SERPIND1: variants seen among roughly 807,000 people sequenced by gnomAD.
SERPIND1 encodes the protein heparin cofactor 2.
SERPIND1 carries 34 observed loss-of-function variants against 35.0 expected under a neutral mutation model. That is an observed-to-expected ratio of 0.97 (90% CI 0.74 to 1.29). The LOEUF (loss-of-function observed/expected upper bound fraction) is 1.29, where lower values mean the gene tolerates loss of function less well. Among genes scored for constraint, SERPIND1 ranks in the 50% most tolerant of loss-of-function variants. The pLI is 0.00. For synonymous variants in SERPIND1, 236 were observed against 241.1 expected, an observed-to-expected ratio of 0.98 and a Z score of 0.19; for missense variants, 633 against 637.7, an observed-to-expected ratio of 0.99 and a Z score of 0.08.
At chr22:20,782,502 A>AT (rs1933876703) in intron 2 of SERPIND1, among the ~76,000 whole-genome samples, 1 of 152,186 alleles carries the variant, frequency 6.6e-6, no homozygotes, top group Non-Finnish European at 1.5e-5. Context: ...AATCATCTCC[A>AT]TTACTAATTT....
At chr22:20,777,672 TTAGAA>T (rs1161914935) in intron 1 of SERPIND1, among the ~76,000 whole-genome samples, 10 of 152,286 alleles carry the variant, frequency 6.6e-5, no homozygotes, top group African/African-American at 2.2e-4. Context: ...TCTGGGGTGA[TTAGAA>T]GTTGGGACCA....
chr22:20,780,706 G>T (rs544115149), intron 2 of SERPIND1, among the ~76,000 whole-genome samples: 1 of 149,156 alleles, frequency 6.7e-6, no homozygotes, highest in Non-Finnish European at 1.5e-5. Flanking sequence ...AACCTGGAAG[G>T]CAGAGATTGC....
At position 20,779,920 on chromosome 22, in the gene SERPIND1, G is replaced by A. The variant is rs889488063; in HGVS notation, c.608G>A (p.Arg203His). 1.5e-5 allele frequency: 24 copies of A among 1,614,086 alleles called. No individual in the cohort carries two copies. The highest frequency in any genetic ancestry group is 3.3e-5 in the South Asian group (3 of 91,090). The change falls in exon 2 of 5, where the codon CGT (arginine) becomes CAT (histidine). Residue 203 changes from arginine (R) to histidine (H), a missense_variant. Transcript: ENST00000215727. ...YEITTIHNLF[R>H]KLTHRLFRRN... ...ATCACGACCATTCATAATCTCTTCCGTAAGCTGACTCATCGCCTCTTCAGG... is the reference window on the plus strand; with the variant it reads ...ATCACGACCATTCATAATCTCTTCCATAAGCTGACTCATCGCCTCTTCAGG...
rs1933563906 is a variant in SERPIND1 at position 20,779,392 on chromosome 22, AGCTAGAGAAAGGAGGGGAAACT to A, written c.84_105del (p.Glu29SerfsTer10). 2 of 1,614,130 alleles carry A rather than the reference AGCTAGAGAAAGGAGGGGAAACT, an allele frequency of 1.2e-6. No individual in the cohort carries two copies. Among genetic ancestry groups the A allele is most frequent in the Non-Finnish European group, 1.7e-6 (2 of 1,180,042 alleles). ...GGTGGGAGCAAAGGCCCGCTGGATC[AGCTAGAGAAAGGAGGGGAAACT>A]GCTCAGTCTGCAGATCCCCAGTGGG... On this transcript the variant is annotated frameshift_variant, in exon 2 of 5. Transcript: ENST00000215727. LOFTEE classifies it high-confidence loss of function.
chr22:20,779,845 A>G lies in SERPIND1; in HGVS notation c.533A>G (p.His178Arg). Residue 178 changes from histidine to arginine, a missense_variant, in exon 2 of 5, where the codon CAC becomes CGC. Coordinates refer to ENST00000215727, the MANE Select transcript of SERPIND1 (RefSeq NM_000185.4). ...GLKGETHEQV[H>R]SILHFKDFVN... The stretch of plus-strand genomic sequence containing the variant: ...AAGGGAGAGACCCATGAACAAGTGC[A>G]CTCGATTTTGCATTTTAAAGACTTT... 1 of 1,614,192 alleles carries G rather than the reference A, an allele frequency of 6.2e-7. No homozygotes were observed. Among genetic ancestry groups the G allele is most frequent in the Non-Finnish European group, 8.5e-7 (1 of 1,180,032 alleles).
intron 1 of SERPIND1, among the ~76,000 whole-genome samples, chr22:20,774,758 C>CAAAAAAAAAAAAAAAAAAAAGA: frequency 9.3e-6 from 1 of 107,370 alleles, no homozygotes; most frequent in Non-Finnish European, 2.0e-5. Flanking sequence ...TAGACTCCGT[C>CAAAAAAAAAAAAAAAAAAAAGA]AAAAAAAAAA....
intron 2 of SERPIND1, 76 bp downstream of exon 2, chr22:20,780,277 G>A: frequency 6.3e-7 from 1 of 1,594,424 alleles, no homozygotes; most frequent in Admixed American, 1.7e-5. Flanking sequence ...TGAATGCCAA[G>A]AACTGTACTG....
In SERPIND1 at chr22:20,786,933, C is replaced by G. The variant is rs1934286728; in HGVS notation, c.1367C>G (p.Thr456Ser). 3 of 1,614,042 alleles carry G rather than the reference C, an allele frequency of 1.9e-6. No homozygotes were observed. Among genetic ancestry groups the G allele is most frequent in the South Asian group, 2.2e-5 (2 of 91,084 alleles). The change falls in exon 5 of 5, where the codon ACC becomes AGC. Residue 456 changes from threonine to serine, a missense_variant. By Grantham distance (58) the Thr-to-Ser change is moderately conservative. Coordinates refer to ENST00000215727, the MANE Select transcript of SERPIND1 (RefSeq NM_000185.4). ...NEEGTQATTV[T>S]TVGFMPLSTQ... ...GAAGGCACCCAAGCCACCACTGTGA[C>G]CACGGTGGGGTTCATGCCGCTGTCC... is the stretch of plus-strand genomic sequence containing the variant.
In SERPIND1 at chr22:20,787,375, C is replaced by A; in HGVS notation, c.*309C>A. ...CAGCGCGTCCTAAGCACCTCCCGCT[C>A]CGGTGACCCCATCCTTGCACACCTG... On this transcript the variant is annotated 3_prime_UTR_variant, in exon 5 of 5. Coordinates refer to ENST00000215727, the MANE Select transcript of SERPIND1 (RefSeq NM_000185.4). 2.5e-6 allele frequency: 1 copy of A among 405,318 alleles called. No homozygotes were observed. Among genetic ancestry groups the A allele is most frequent in the Non-Finnish European group, 4.7e-6 (1 of 214,104 alleles). 25.1% of individuals were successfully genotyped at this position (405,318 alleles called of 1,614,324 possible). A position where few individuals can be genotyped will look rare whatever the true frequency, so the allele number is the denominator to read the frequency against.
At position 20,786,016 on chromosome 22, in the gene SERPIND1, G is replaced by A. The variant is rs770479744; in HGVS notation, c.1176G>A (p.Val392=). ...CTTTTCTGTCTAGAACTCGAGAAGT[G>A]CTTCTGCCGAAATTCAAGCTGGAGA... ...QKSMTNRTRE[V]LLPKFKLEKN... is the part of the protein sequence containing the mutation. The change falls in exon 4 of 5, where the codon GTG becomes GTA. Residue 392 remains valine (V), a synonymous_variant. Coordinates refer to ENST00000215727, the MANE Select transcript of SERPIND1 (RefSeq NM_000185.4). 2.5e-6 allele frequency: 4 copies of A among 1,614,158 alleles called. No homozygotes were observed. Among genetic ancestry groups the A allele is most frequent in the Non-Finnish European group, 3.4e-6 (4 of 1,180,030 alleles).
intron 1 of SERPIND1, among the ~76,000 whole-genome samples, chr22:20,777,995 G>C (rs1279988066): frequency 6.6e-6 from 1 of 152,154 alleles, no homozygotes; most frequent in Non-Finnish European, 1.5e-5. Context: ...CCCTCACACA[G>C]ACTTTATCTC....
chr22:20,780,642 G>T (rs907099290), intron 2 of SERPIND1, among the ~76,000 whole-genome samples: 1 of 151,964 alleles, frequency 6.6e-6, no homozygotes, highest in Non-Finnish European at 1.5e-5. Flanking sequence ...TGGGCCTGGC[G>T]GTGGGTGCCT....
At chr22:20,781,265 AG>A (rs1319912473) in intron 2 of SERPIND1, among the ~76,000 whole-genome samples, 2 of 152,232 alleles carry the variant, frequency 1.3e-5, no homozygotes, top group Non-Finnish European at 2.9e-5. Context: ...CCAGACCAGA[AG>A]AAACCTCTAC....
At position 20,787,053 on chromosome 22, in the gene SERPIND1, C is replaced by T; in HGVS notation, c.1487C>T (p.Pro496Leu). 2 of 1,614,114 alleles carry T rather than the reference C, an allele frequency of 1.2e-6. No individual in the cohort carries two copies. The highest frequency in any genetic ancestry group is 1.7e-6 in the Non-Finnish European group (2 of 1,180,010). Residue 496 changes from proline to leucine, a missense_variant, in exon 5 of 5, where the codon CCC becomes CTC. Transcript: ENST00000215727. ...CLLFMGRVAN[P>L]SRS ...CTCTTCATGGGAAGAGTGGCCAACCCCAGCAGGTCCTAGAGGTGGAGGTCT... is the reference window on the plus strand; with the variant it reads ...CTCTTCATGGGAAGAGTGGCCAACCTCAGCAGGTCCTAGAGGTGGAGGTCT...
chr22:20,784,673 C>A (rs1569029909), intron 3 of SERPIND1, among the ~76,000 whole-genome samples: 1 of 152,180 alleles, frequency 6.6e-6, no homozygotes, highest in East Asian at 1.9e-4. Flanking sequence ...CTCTTCCCTG[C>A]CCAGGAAATT....
chr22:20,777,365 C>T (rs996440607), intron 1 of SERPIND1, among the ~76,000 whole-genome samples: 6 of 151,934 alleles, frequency 3.9e-5, no homozygotes, highest in Admixed American at 6.6e-5. Flanking sequence ...TACAGGCATG[C>T]GCCACCACGC....
intron 1 of SERPIND1, among the ~76,000 whole-genome samples, chr22:20,777,750 A>G (rs959963215): frequency 6.6e-6 from 1 of 152,148 alleles, no homozygotes; most frequent in Non-Finnish European, 1.5e-5. Context: ...AAAACATGGA[A>G]TCATCAAAGC....
At position 20,779,470 on chromosome 22, in the gene SERPIND1, C is replaced by T. The variant is rs961600527; in HGVS notation, c.158C>T (p.Pro53Leu). Residue 53 changes from proline (P) to leucine (L), a missense_variant, in exon 2 of 5, where the codon CCT (proline) becomes CTT (leucine). Coordinates refer to ENST00000215727, the MANE Select transcript of SERPIND1 (RefSeq NM_000185.4). ...TTAAATAACAAAAACCTGAGCATGC[C>T]TCTTCTCCCTGCCGACTTCCACAAG... is the stretch of plus-strand genomic sequence containing the variant. ...EQLNNKNLSM[P>L]LLPADFHKEN... The T allele has an allele frequency of 8.1e-6, 13 of 1,614,046 alleles. No homozygotes were observed. Among genetic ancestry groups the T allele is most frequent in the African/African-American group, 5.3e-5 (4 of 74,950 alleles).
chr22:20,783,738 T>C (rs764227296), intron 2 of SERPIND1, among the ~76,000 whole-genome samples: 28 of 152,266 alleles, frequency 1.8e-4, no homozygotes, highest in Non-Finnish European at 3.2e-4. Flanking sequence ...AAACAACTAG[T>C]TCGTATCAGA....
Sources: allele counts gnomAD v4.1 joint callset (sites outside exome capture counted in the v4.1 genomes callset), GRCh38; gene constraint gnomAD v4.1.1; transcripts MANE v1.5; gene names NCBI Gene and HGNC (gene_info 2026-07-23, HGNC 2026-07-21).